The following SLC1A7 variants were observed in gnomAD, a reference collection of about 807,000 sequenced individuals.
SLC1A7 encodes solute carrier family 1 member 7.
SLC1A7 carries 40 observed loss-of-function variants against 47.7 expected under a neutral mutation model. The observed-to-expected ratio is 0.84, with a 90% CI of 0.65 to 1.09. The LOEUF (loss-of-function observed/expected upper bound fraction) is 1.09. SLC1A7 is among the 50% of genes least tolerant of loss of function. The pLI, the probability that SLC1A7 is intolerant of heterozygous loss-of-function variation, is 0.00. For missense variants in SLC1A7, 746 were observed against 769.5 expected, an observed-to-expected ratio of 0.97 and a Z score of 0.36; for synonymous variants, 323 against 325.6, an observed-to-expected ratio of 0.99 and a Z score of 0.09.
At chr1:53,106,495 T>A (rs1644642846) in intron 3 of SLC1A7, among the ~76,000 whole-genome samples, 1 of 151,434 alleles carries the variant, frequency 6.6e-6, no homozygotes, top group Non-Finnish European at 1.5e-5. Context: ...TCCCAGCTAC[T>A]CAGGAGGCTG....
intron 3 of SLC1A7, 24 bp downstream of exon 3, chr1:53,114,734 C>T (rs199943867): frequency 2.6e-5 from 41 of 1,604,510 alleles, no homozygotes; most frequent in Middle Eastern, 1.8e-4. Context: ...CGTTCCCAAG[C>T]GGGGTGTGGG....
intron 1 of SLC1A7, among the ~76,000 whole-genome samples, chr1:53,138,614 C>T (rs1196766749): frequency 4.6e-5 from 7 of 151,714 alleles, no homozygotes; most frequent in South Asian, 2.1e-4. Context: ...GCAATCCACC[C>T]GCCTTGGCCT....
In SLC1A7 at chr1:53,114,842, G is replaced by A; in HGVS notation, c.347C>T (p.Pro116Leu). 6.2e-7 allele frequency: 1 copy of A among 1,614,198 alleles called. No individual in the cohort carries two copies. The highest frequency in any genetic ancestry group is 2.2e-5 in the East Asian group (1 of 44,892). ...VGIFMVSIIH[P>L]GSAAQKETTE... is the part of the protein sequence containing the mutation. ...GGTCTCCTTCTGGGCCGCGCTGCCT[G>A]GGTGGATGATGGAGACCATGAAGAT... The change falls in exon 3 of 11, where the codon CCA (proline) becomes CTA (leucine). Residue 116 changes from proline (P) to leucine (L), a missense_variant. Coordinates refer to ENST00000371494, the MANE Select transcript of SLC1A7 (RefSeq NM_006671.6).
rs963029642 is a variant in SLC1A7, at chr1:53,103,425, G to A, written c.618C>T (p.Pro206=). The A allele has an allele frequency of 2.1e-5, 34 of 1,611,822 alleles. No individual in the cohort carries two copies. Among genetic ancestry groups the A allele is most frequent in the Non-Finnish European group, 2.7e-5 (32 of 1,179,428 alleles). The change falls in exon 5 of 11, where the codon CCC becomes CCT. Residue 206 remains proline (P), a synonymous_variant. Transcript: ENST00000371494. ...CCGGCTCTGACTTGTAAACGACCTC[G>A]GGCGGCGGGGTCAGGTCCAGGGCGA... ...QNFALDLTPP[P]EVVYKSEPGT...
rs201914790 is a variant in SLC1A7 at position 53,103,424 on chromosome 1, C to T, written c.619G>A (p.Glu207Lys). Reference sequence around the variant, plus strand: ...CCCGGCTCTGACTTGTAAACGACCTCGGGCGGCGGGGTCAGGTCCAGGGCG... The same window carrying T: ...CCCGGCTCTGACTTGTAAACGACCTTGGGCGGCGGGGTCAGGTCCAGGGCG... Reference protein sequence around the residue: ...NFALDLTPPPEVVYKSEPGTS... With the variant: ...NFALDLTPPPKVVYKSEPGTS... Residue 207 changes from glutamate to lysine, a missense_variant, in exon 5 of 11, where the codon GAG becomes AAG. Glu to Lys is a moderately conservative substitution (Grantham distance 56). Coordinates refer to ENST00000371494, the MANE Select transcript of SLC1A7 (RefSeq NM_006671.6). 16 of 1,611,810 alleles carry T rather than the reference C, an allele frequency of 9.9e-6. No homozygotes were observed. The highest frequency in any genetic ancestry group is 8.8e-5 in the South Asian group (8 of 90,470).
At chr1:53,093,354 C>A in intron 6 of SLC1A7, 107 bp downstream of exon 6, 1 of 930,016 alleles carries the variant, frequency 1.1e-6, no homozygotes, top group Non-Finnish European at 1.6e-6. Flanking sequence ...AGGGCTGAGC[C>A]TGGGCACAGC....
At chr1:53,140,556 G>A (rs1490128213) in intron 1 of SLC1A7, among the ~76,000 whole-genome samples, 2 of 152,182 alleles carry the variant, frequency 1.3e-5, no homozygotes, top group East Asian at 3.8e-4. Context: ...AAGCCAGGCA[G>A]CCAGCAGCGG....
At chr1:53,096,285 G>T (rs944979371) in intron 5 of SLC1A7, among the ~76,000 whole-genome samples, 1 of 128,404 alleles carries the variant, frequency 7.8e-6, no homozygotes. Flanking sequence ...ACACCGACTC[G>T]GTACACTCAC....
chr1:53,127,012 A>G (rs981429148), intron 2 of SLC1A7, among the ~76,000 whole-genome samples: 1 of 139,990 alleles, frequency 7.1e-6, no homozygotes, highest in Admixed American at 7.2e-5. Flanking sequence ...ACAGGTGCCC[A>G]CCATCATGCC....
chr1:53,111,130 G>A (rs1644697112), intron 3 of SLC1A7, among the ~76,000 whole-genome samples: 2 of 152,156 alleles, frequency 1.3e-5, no homozygotes, highest in Non-Finnish European at 1.5e-5. Context: ...ATGAGGAGAA[G>A]TGACTCAAGA....
chr1:53,094,514 C>T (rs997257479), intron 5 of SLC1A7, among the ~76,000 whole-genome samples: 2 of 152,184 alleles, frequency 1.3e-5, no homozygotes, highest in Non-Finnish European at 2.9e-5. Context: ...GGATTCAAAC[C>T]CTGGCCTGTG....
At chr1:53,116,992 G>T (rs1033767041) in intron 2 of SLC1A7, among the ~76,000 whole-genome samples, 1 of 152,242 alleles carries the variant, frequency 6.6e-6, no homozygotes, top group Non-Finnish European at 1.5e-5. Context: ...ATGGCCCCTG[G>T]ACTATGTGGG....
chr1:53,098,075 ACT>A (rs966634643), intron 5 of SLC1A7, among the ~76,000 whole-genome samples: 6 of 150,516 alleles, frequency 4.0e-5, no homozygotes, highest in African/African-American at 1.5e-4. Flanking sequence ...GCCTTGGTAC[ACT>A]CACACACCCT....
chr1:53,103,113 G>T, intron 5 of SLC1A7: 1 of 451,594 alleles, frequency 2.2e-6, no homozygotes, highest in Non-Finnish European at 3.9e-6. Context: ...GCCAGCTGCG[G>T]GCCTAAGAAA....
intron 3 of SLC1A7, among the ~76,000 whole-genome samples, chr1:53,107,029 G>T (rs1012410457): frequency 2.6e-5 from 4 of 151,802 alleles, no homozygotes; most frequent in African/African-American, 9.7e-5. Flanking sequence ...GGTGGTGCTC[G>T]CCTGTAGTCC....
At chr1:53,099,015 ACT>A (rs1260714581) in intron 5 of SLC1A7, among the ~76,000 whole-genome samples, 1 of 142,696 alleles carries the variant, frequency 7.0e-6, no homozygotes, top group African/African-American at 2.7e-5. Flanking sequence ...TTACACTTAT[ACT>A]GCCTCAAAAC....
chr1:53,103,192 T>G, intron 5 of SLC1A7, 154 bp downstream of exon 5: 2 of 609,016 alleles, frequency 3.3e-6, no homozygotes, highest in South Asian at 2.4e-5. Flanking sequence ...AGGCGAAGGA[T>G]TTAAATAAAC....
rs936642 is a variant in SLC1A7, at chr1:53,120,708, C to T, written c.216-5735G>A. On this transcript the variant is annotated intron_variant, in intron 2 of 10. Transcript: ENST00000371494. ...GCACCCTGTGCTTCCCAGTTTGTTA[C>T]GGAGCACCCTGCTAGTGGGCTCAAC... 7.2e-5 allele frequency among the ~76,000 whole-genome samples: 11 copies of T among 152,300 alleles called. No homozygotes were observed. The East Asian group carries it at 7.7e-4, about 11-fold the overall frequency.
chr1:53,095,341 C>T (rs1644473306), intron 5 of SLC1A7, among the ~76,000 whole-genome samples: 1 of 152,068 alleles, frequency 6.6e-6, no homozygotes, highest in South Asian at 2.1e-4. Context: ...CACGTGCACA[C>T]AGACACAGGC....
Sources: allele counts gnomAD v4.1 joint callset (sites outside exome capture counted in the v4.1 genomes callset), GRCh38; gene constraint gnomAD v4.1.1; transcripts MANE v1.5; gene names NCBI Gene and HGNC (gene_info 2026-07-23, HGNC 2026-07-21).